The following XKR6 variants were observed in gnomAD, a reference collection of about 807,000 sequenced individuals.
XKR6 encodes XK related 6, also known as XK-related protein 6.
Under a neutral mutation model 56.7 loss-of-function variants are expected in XKR6, and 22 were observed. The ratio of observed to expected loss-of-function variants is 0.39; its 90% CI spans 0.28 to 0.55. XKR6 has a LOEUF of 0.55. XKR6 is among the 20% of genes least tolerant of loss of function. XKR6 has a pLI of 0.66. For synonymous variants in XKR6, 524 were observed against 387.8 expected (o/e 1.35, Z -4.13); for missense variants, 852 against 889.0 (o/e 0.96, Z 0.53).
At chr8:11,108,366 C>T (rs571460634) in intron 1 of XKR6, 1 of 456,090 alleles carries the variant, frequency 2.2e-6, no homozygotes, top group East Asian at 6.9e-5. Flanking sequence ...TTGAAGTACA[C>T]ATGTTACGCT....
intron 1 of XKR6, among the ~76,000 whole-genome samples, chr8:11,010,206 A>G (rs1798468153): frequency 6.6e-6 from 1 of 152,196 alleles, no homozygotes; most frequent in South Asian, 2.1e-4. Flanking sequence ...TCAAACAACC[A>G]GATTTCATGA....
intron 1 of XKR6, among the ~76,000 whole-genome samples, chr8:11,199,239 A>T (rs886295982): frequency 1.3e-5 from 2 of 152,240 alleles, no homozygotes; most frequent in African/African-American, 4.8e-5. Context: ...CACTTCCCCT[A>T]GCCTGAATTT....
chr8:11,011,303 C>A (rs1798493945), intron 1 of XKR6, among the ~76,000 whole-genome samples: 1 of 152,202 alleles, frequency 6.6e-6, no homozygotes, highest in African/African-American at 2.4e-5. Flanking sequence ...GAAAGGAAGC[C>A]CTTCTTGGGG....
intron 1 of XKR6, among the ~76,000 whole-genome samples, chr8:11,157,890 T>C (rs895141447): frequency 2.0e-5 from 3 of 152,166 alleles, no homozygotes; most frequent in African/African-American, 7.2e-5. Context: ...CTTCAAAGAA[T>C]TATTAGCAAA....
chr8:11,094,780 C>T (rs1297818484), intron 1 of XKR6, among the ~76,000 whole-genome samples: 1 of 152,178 alleles, frequency 6.6e-6, no homozygotes, highest in African/African-American at 2.4e-5. Context: ...TCTGAGGCTC[C>T]AAGATTCCCA....
chr8:11,137,356 A>G, intron 1 of XKR6: 1 of 319,954 alleles, frequency 3.1e-6, no homozygotes, highest in South Asian at 2.6e-5. Context: ...TATAAAAAAT[A>G]CAAAGGAGTC....
In XKR6 at chr8:11,054,199, C is replaced by T. The variant is rs150508214; in HGVS notation, c.765-129369G>A. 1.2e-3 allele frequency among the ~76,000 whole-genome samples: 179 copies of T among 152,282 alleles called. 3 individuals are homozygous for T. The East Asian group carries it at 0.031, about 26-fold the overall frequency. ...TGAGAGAATTGCATGCAAGGGGAGC[C>T]ATATCCCCCTCCCTCTTCTGGACAT... On this transcript the variant is annotated intron_variant, in intron 1 of 2. Coordinates refer to ENST00000416569, the MANE Select transcript of XKR6 (RefSeq NM_173683.4).
chr8:10,938,167 G>A (rs536106615), intron 1 of XKR6, among the ~76,000 whole-genome samples: 2 of 152,338 alleles, frequency 1.3e-5, no homozygotes, highest in South Asian at 2.1e-4. Context: ...CGATTTTGCA[G>A]GTGCGTCTGT....
intron 1 of XKR6, among the ~76,000 whole-genome samples, chr8:11,100,876 G>A (rs547602988): frequency 6.6e-6 from 1 of 152,316 alleles, no homozygotes; most frequent in South Asian, 2.1e-4. Flanking sequence ...TTGAAAGGTG[G>A]CCGCAAATGT....
intron 1 of XKR6, among the ~76,000 whole-genome samples, chr8:11,139,977 C>T (rs1563167567): frequency 6.6e-6 from 1 of 152,022 alleles, no homozygotes; most frequent in African/African-American, 2.4e-5. Context: ...GAATGATTTC[C>T]TTTTTAAAGT....
Position 11,037,807 on chromosome 8 carries a change from G to A in XKR6, c.765-112977C>T, listed in dbSNP as rs28636452. On this transcript the variant is annotated intron_variant, in intron 1 of 2. Transcript: ENST00000416569. Reference sequence around the variant, plus strand: ...CAGAAGGCAGAGCTTGCACTGAGCCGAGATCGTGCCACTGCACTCCAGCCT... The same window carrying A: ...CAGAAGGCAGAGCTTGCACTGAGCCAAGATCGTGCCACTGCACTCCAGCCT... 6.9e-3 allele frequency among the ~76,000 whole-genome samples: 1,045 copies of A among 150,586 alleles called. 11 individuals are homozygous for A. The highest frequency in any genetic ancestry group is 0.023 in the African/African-American group (924 of 40,824).
intron 1 of XKR6, among the ~76,000 whole-genome samples, chr8:11,022,307 G>T (rs1008324244): frequency 3.9e-5 from 6 of 152,054 alleles, no homozygotes; most frequent in African/African-American, 1.5e-4. Flanking sequence ...AAGCCCCATT[G>T]TTCCACCTGG....
At chr8:10,991,863 C>G (rs1798000622) in intron 1 of XKR6, among the ~76,000 whole-genome samples, 1 of 152,224 alleles carries the variant, frequency 6.6e-6, no homozygotes. Flanking sequence ...CTGTTCTTCC[C>G]TGTTTTTGCT....
At chr8:10,972,143 G>C (rs560929066) in intron 1 of XKR6, among the ~76,000 whole-genome samples, 1 of 152,088 alleles carries the variant, frequency 6.6e-6, no homozygotes, top group African/African-American at 2.4e-5. Context: ...CTGCTTGGGG[G>C]TTCATCCGGG....
intron 1 of XKR6, among the ~76,000 whole-genome samples, chr8:11,197,154 G>C (rs1443103531): frequency 1.3e-5 from 2 of 152,270 alleles, no homozygotes; most frequent in Middle Eastern, 6.8e-3. Context: ...AACCACTGAC[G>C]ATCCTCTTAA....
chr8:11,199,442 A>C (rs1452036200), intron 1 of XKR6, among the ~76,000 whole-genome samples: 1 of 152,246 alleles, frequency 6.6e-6, no homozygotes, highest in Non-Finnish European at 1.5e-5. Context: ...AAATGCCTAA[A>C]ATCTCCTACT....
intron 1 of XKR6, among the ~76,000 whole-genome samples, chr8:11,159,247 G>A (rs1412236078): frequency 1.3e-5 from 2 of 152,200 alleles, no homozygotes; most frequent in African/African-American, 2.4e-5. Flanking sequence ...CCTCTAGAAA[G>A]CATGTCATCA....
intron 1 of XKR6, chr8:11,108,866 A>G (rs1798784261): frequency 6.6e-6 from 1 of 152,492 alleles, no homozygotes; most frequent in Non-Finnish European, 1.5e-5. Context: ...ATGTCTGTAC[A>G]GTCTTCCCAG....
chr8:10,950,931 G>C (rs1325530682), intron 1 of XKR6, among the ~76,000 whole-genome samples: 1 of 152,232 alleles, frequency 6.6e-6, no homozygotes, highest in Non-Finnish European at 1.5e-5. Context: ...GAGGTGCAGA[G>C]ACGGCGAGTT....
Sources: gnomAD v4.1 joint callset for allele counts (sites outside exome capture counted in the v4.1 genomes callset) on GRCh38, gnomAD v4.1.1 for gene constraint, MANE v1.5 for transcripts, NCBI Gene and HGNC (gene_info 2026-07-23, HGNC 2026-07-21) for gene names.